LRMDA: variants seen among roughly 807,000 people sequenced by gnomAD.
LRMDA encodes the protein leucine rich melanocyte differentiation associated, also known as leucine-rich melanocyte differentiation-associated protein.
Under a neutral mutation model 29.8 loss-of-function variants are expected in LRMDA, and 18 were observed. The observed-to-expected ratio is 0.60, with a 90% CI of 0.42 to 0.90. The LOEUF is 0.90. Ranked by LOEUF, LRMDA falls within the 40% of genes least tolerant of loss-of-function variation. The pLI is 0.00. For synonymous variants in LRMDA, 125 were observed against 109.4 expected (o/e 1.14, Z -0.89); for missense variants, 273 against 273.9 (o/e 1.00, Z 0.02).
At chr10:75,827,983 A>G (rs1399272099) in intron 2 of LRMDA, among the ~76,000 whole-genome samples, 1 of 152,166 alleles carries the variant, frequency 6.6e-6, no homozygotes, top group African/African-American at 2.4e-5. Context: ...ATGGGCAATT[A>G]TCTTTGGGGA....
At chr10:75,831,012 C>G (rs979108697) in intron 2 of LRMDA, among the ~76,000 whole-genome samples, 1 of 152,028 alleles carries the variant, frequency 6.6e-6, no homozygotes, top group African/African-American at 2.4e-5. Context: ...GGCTATTGGC[C>G]CCATGCAAAT....
chr10:75,779,243 A>T (rs977810817), intron 2 of LRMDA, among the ~76,000 whole-genome samples: 1 of 152,174 alleles, frequency 6.6e-6, no homozygotes. Flanking sequence ...ATTAAGCTAG[A>T]AAACATTTAT....
chr10:75,520,085 G>A (rs554600138), intron 2 of LRMDA, among the ~76,000 whole-genome samples: 9 of 152,288 alleles, frequency 5.9e-5, no homozygotes, highest in African/African-American at 1.9e-4. Flanking sequence ...TGGGTAACCC[G>A]ACCTTTCTCT....
At chr10:75,526,059 A>G (rs1373646789) in intron 2 of LRMDA, among the ~76,000 whole-genome samples, 2 of 150,966 alleles carry the variant, frequency 1.3e-5, no homozygotes, top group African/African-American at 4.9e-5. Flanking sequence ...TTATTTATTT[A>G]TTTATTATTT....
chr10:76,436,038 C>G (rs894631273), intron 6 of LRMDA, among the ~76,000 whole-genome samples: 2 of 152,170 alleles, frequency 1.3e-5, no homozygotes, highest in Non-Finnish European at 2.9e-5. Flanking sequence ...AATAAAAGGA[C>G]ACGCTAGGCT....
At chr10:75,849,264 T>C (rs1475826002) in intron 2 of LRMDA, among the ~76,000 whole-genome samples, 1 of 152,168 alleles carries the variant, frequency 6.6e-6, no homozygotes, top group Non-Finnish European at 1.5e-5. Flanking sequence ...ATGTAGATAC[T>C]TGAAGCAGTT....
chr10:76,181,520 A>G (rs539245288), intron 5 of LRMDA, among the ~76,000 whole-genome samples: 2 of 152,340 alleles, frequency 1.3e-5, no homozygotes, highest in East Asian at 3.9e-4. Context: ...GAACAGGAAG[A>G]GTACATTTAT....
At chr10:76,550,574 C>A (rs1337637094) in intron 6 of LRMDA, among the ~76,000 whole-genome samples, 3 of 151,472 alleles carry the variant, frequency 2.0e-5, no homozygotes, top group African/African-American at 7.3e-5. Context: ...CATTCCCACC[C>A]AATATGCAGA....
intron 5 of LRMDA, among the ~76,000 whole-genome samples, chr10:76,116,247 T>G (rs1849666840): frequency 1.3e-5 from 2 of 152,182 alleles, no homozygotes; most frequent in African/African-American, 4.8e-5. Flanking sequence ...CACCTATACA[T>G]TGTCTTGACT....
At chr10:75,720,094 A>C (rs915574413) in intron 2 of LRMDA, among the ~76,000 whole-genome samples, 1 of 152,220 alleles carries the variant, frequency 6.6e-6, no homozygotes, top group Non-Finnish European at 1.5e-5. Context: ...ATTACCATAC[A>C]TCATACTCTA....
intron 2 of LRMDA, among the ~76,000 whole-genome samples, chr10:75,903,782 C>T (rs995023065): frequency 1.3e-5 from 2 of 152,140 alleles, no homozygotes; most frequent in Non-Finnish European, 1.5e-5. Context: ...CATGTGGGGC[C>T]GGGTGCCTGG....
chr10:75,554,348 T>C (rs1338475346), intron 2 of LRMDA, among the ~76,000 whole-genome samples: 2 of 152,176 alleles, frequency 1.3e-5, no homozygotes, highest in African/African-American at 2.4e-5. Context: ...CAAGGAACAT[T>C]TATACTGCAG....
At chr10:76,362,511 A>G (rs960705350) in intron 6 of LRMDA, among the ~76,000 whole-genome samples, 1 of 152,362 alleles carries the variant, frequency 6.6e-6, no homozygotes, top group African/African-American at 2.4e-5. Context: ...AATTTATTCT[A>G]GCATTTAAGA....
intron 2 of LRMDA, among the ~76,000 whole-genome samples, chr10:75,504,584 G>A (rs751850699): frequency 1.4e-4 from 22 of 152,144 alleles, no homozygotes. Flanking sequence ...TAATAGGGGG[G>A]AGTCATCTTC....
chr10:76,147,625 T>C (rs1850353689), intron 5 of LRMDA, among the ~76,000 whole-genome samples: 1 of 151,884 alleles, frequency 6.6e-6, no homozygotes, highest in South Asian at 2.1e-4. Flanking sequence ...TTGCTATTGG[T>C]TCGAATTTCC....
At chr10:76,537,316 GCA>G (rs1843301829) in intron 6 of LRMDA, among the ~76,000 whole-genome samples, 1 of 152,170 alleles carries the variant, frequency 6.6e-6, no homozygotes. Flanking sequence ...GCACATGTGT[GCA>G]CACACACAGT....
intron 2 of LRMDA, among the ~76,000 whole-genome samples, chr10:75,672,782 G>A (rs1443644396): frequency 6.7e-6 from 1 of 150,218 alleles, no homozygotes; most frequent in African/African-American, 2.5e-5. Flanking sequence ...ATGTTGGCCA[G>A]GCTGGTCTCG....
chr10:76,240,861 C>A (rs201109195), intron 5 of LRMDA, among the ~76,000 whole-genome samples: 1 of 122,364 alleles, frequency 8.2e-6, no homozygotes, highest in East Asian at 2.3e-4. Flanking sequence ...TATATATATA[C>A]ATATATATAT....
intron 4 of LRMDA, among the ~76,000 whole-genome samples, chr10:76,056,634 C>A (rs1848619076): frequency 6.6e-6 from 1 of 152,228 alleles, no homozygotes; most frequent in African/African-American, 2.4e-5. Context: ...CAGTACTGCT[C>A]CGAGCATGTA....
Sources: allele counts gnomAD v4.1 joint callset (sites outside exome capture counted in the v4.1 genomes callset), GRCh38; gene constraint gnomAD v4.1.1; transcripts MANE v1.5; gene names NCBI Gene and HGNC (gene_info 2026-07-23, HGNC 2026-07-21).